The following PRDM10 variants were observed in gnomAD, a reference collection of about 807,000 sequenced individuals.
The protein encoded by PRDM10 is PR domain zinc finger protein 10.
A neutral mutation model predicts 133.1 loss-of-function variants in PRDM10; 65 were observed. That is an observed-to-expected ratio of 0.49 (90% confidence interval 0.40 to 0.60). The LOEUF (loss-of-function observed/expected upper bound fraction) is 0.60, where lower values mean the gene tolerates loss of function less well. Ranked by LOEUF, PRDM10 falls within the 20% of genes least tolerant of loss-of-function variation. PRDM10 has a pLI of 0.00. For synonymous variants in PRDM10, 582 were observed against 580.4 expected, an observed-to-expected ratio of 1.00 and a Z score of -0.04; for missense variants, 1,137 against 1,507.1, an observed-to-expected ratio of 0.75 and a Z score of 4.07.
intron 11 of PRDM10, 126 bp downstream of exon 11, chr11:129,930,890 A>G (rs1342643875): frequency 7.4e-7 from 1 of 1,343,390 alleles, no homozygotes; most frequent in African/African-American, 1.5e-5. Context: ...AAGGGGATCG[A>G]GCATGTGACA....
intron 9 of PRDM10, among the ~76,000 whole-genome samples, chr11:129,934,133 G>A (rs1399562581): frequency 6.6e-6 from 1 of 152,174 alleles, no homozygotes; most frequent in African/African-American, 2.4e-5. Flanking sequence ...TGTGTGTTAT[G>A]AGCACTTGGC....
intron 1 of PRDM10, among the ~76,000 whole-genome samples, chr11:129,972,749 T>G (rs1470768042): frequency 1.3e-5 from 2 of 152,342 alleles, no homozygotes; most frequent in African/African-American, 2.4e-5. Flanking sequence ...TTGTCTTTCT[T>G]TCTTTAAGCT....
chr11:129,918,530 G>A lies in PRDM10; in HGVS notation c.2214+9C>T, dbSNP rs1157911517. 1 of 1,611,928 alleles carries A rather than the reference G, an allele frequency of 6.2e-7. No individual in the cohort carries two copies. The highest frequency in any genetic ancestry group is 2.2e-5 in the East Asian group (1 of 44,842). On this transcript the variant is annotated intron_variant, in intron 14 of 20. Transcript: ENST00000360871. This position sits in a 1 kb window ranked among gnomAD's most constrained non-coding sequence, Gnocchi z 5.3. ...AAGACAGAGGAACCCGCAGCCACTG[G>A]GCACTGACCAGCATGCCGCGCCGCC...
In PRDM10 at chr11:129,900,914, T is replaced by G. The variant is rs1195168808; in HGVS notation, c.*1399A>C. The G allele has an allele frequency of 1.3e-5, 2 of 152,652 alleles. No homozygotes were observed. Among genetic ancestry groups the G allele is most frequent in the Non-Finnish European group, 1.5e-5 (1 of 68,046 alleles). The allele number at this position is 152,652 out of a possible 1,614,324, so 9.5% of individuals were successfully genotyped here. A position where few individuals can be genotyped will look rare whatever the true frequency, so the allele number is the denominator to read the frequency against. On this transcript the variant is annotated 3_prime_UTR_variant, in exon 21 of 21. Coordinates refer to ENST00000360871, the MANE Select transcript of PRDM10 (RefSeq NM_199437.2). ...TTCACTTTTCAGAAAATTGTCTTTA[T>G]CATAAAGAAGCTACTCTACTTAATT...
In PRDM10 at chr11:129,960,753, G is replaced by A. The variant is rs1018193675; in HGVS notation, c.69+143C>T. 31 of 784,374 alleles carry A rather than the reference G, an allele frequency of 4.0e-5. No individual in the cohort carries two copies. The Admixed American group carries it at 7.2e-4, about 18-fold the overall frequency. 48.6% of individuals were successfully genotyped at this position (784,374 alleles called of 1,614,324 possible). A position where few individuals can be genotyped will look rare whatever the true frequency, so the allele number is the denominator to read the frequency against. The stretch of plus-strand genomic sequence containing the variant: ...ATGGAGCATTCAAGGGGCCAAAACA[G>A]TCCCTATTCCTTGTGTACGAGTTCT... On this transcript the variant is annotated intron_variant, in intron 2 of 20. Transcript: ENST00000360871.
At chr11:129,957,654 C>T in intron 3 of PRDM10, 92 bp downstream of exon 3, 1 of 1,462,554 alleles carries the variant, frequency 6.8e-7, no homozygotes, top group Non-Finnish European at 9.3e-7. Flanking sequence ...ACTGCATCAC[C>T]AGTACCTAGC....
intron 1 of PRDM10, among the ~76,000 whole-genome samples, chr11:129,963,053 G>C (rs543557046): frequency 2.0e-5 from 3 of 151,986 alleles, no homozygotes; most frequent in Admixed American, 6.6e-5. Flanking sequence ...GGAGTCTGAG[G>C]TGGAAGGATC....
intron 17 of PRDM10, among the ~76,000 whole-genome samples, chr11:129,914,191 G>A (rs889633796): frequency 9.9e-5 from 15 of 152,244 alleles, no homozygotes; most frequent in Admixed American, 4.6e-4. Context: ...TAGTAGAGAC[G>A]AGATTTTGCC....
intron 9 of PRDM10, among the ~76,000 whole-genome samples, chr11:129,932,819 G>A (rs553595679): frequency 6.6e-6 from 1 of 152,070 alleles, no homozygotes; most frequent in East Asian, 1.9e-4. Context: ...AGGCTGGAGT[G>A]CAGTGATGTA....
At chr11:129,991,136 T>C (rs1938719839) in intron 1 of PRDM10, among the ~76,000 whole-genome samples, 1 of 152,226 alleles carries the variant, frequency 6.6e-6, no homozygotes, top group Non-Finnish European at 1.5e-5. Context: ...ACAATGTGGC[T>C]CAATAGTATA....
intron 17 of PRDM10, 30 bp from the exon 18 acceptor site, chr11:129,912,255 C>T: frequency 6.7e-7 from 1 of 1,492,464 alleles, no homozygotes; most frequent in Non-Finnish European, 9.1e-7. Context: ...GCCCAGAAAC[C>T]AGACATATAT....
At chr11:129,985,942 G>A (rs1304441474) in intron 1 of PRDM10, among the ~76,000 whole-genome samples, 1 of 151,316 alleles carries the variant, frequency 6.6e-6, no homozygotes, top group African/African-American at 2.4e-5. Context: ...TTCATGAGCT[G>A]TGGCCCTCCC....
chr11:130,002,021 C>A (rs966059891), intron 1 of PRDM10, among the ~76,000 whole-genome samples: 26 of 151,774 alleles, frequency 1.7e-4, no homozygotes, highest in Non-Finnish European at 3.5e-4. Context: ...CCATCGATGG[C>A]AAGTGGGCGG....
At chr11:129,951,668 G>T (rs536471205) in intron 4 of PRDM10, among the ~76,000 whole-genome samples, 5 of 152,060 alleles carry the variant, frequency 3.3e-5, no homozygotes, top group African/African-American at 1.2e-4. Flanking sequence ...AACATGAAAC[G>T]ACCACGCTGG....
At chr11:129,937,706 C>T (rs369468265) in intron 7 of PRDM10, 36 bp from the exon 8 acceptor site, 27 of 1,563,218 alleles carry the variant, frequency 1.7e-5, no homozygotes, top group African/African-American at 1.4e-4. Flanking sequence ...GAACTGGGGA[C>T]ATCACCAGAT....
chr11:129,957,170 G>A (rs1464177271), intron 3 of PRDM10, among the ~76,000 whole-genome samples: 1 of 152,144 alleles, frequency 6.6e-6, no homozygotes, highest in Non-Finnish European at 1.5e-5. Flanking sequence ...TTTTGGCCTG[G>A]TTCTTGATAC....
At chr11:129,994,121 G>A (rs2136000104) in intron 1 of PRDM10, among the ~76,000 whole-genome samples, 1 of 152,170 alleles carries the variant, frequency 6.6e-6, no homozygotes, top group East Asian at 1.9e-4. Context: ...TTTTGTAAAT[G>A]ATGTATAAGT....
intron 1 of PRDM10, among the ~76,000 whole-genome samples, chr11:129,976,843 C>T (rs1937786879): frequency 6.6e-6 from 1 of 151,996 alleles, no homozygotes; most frequent in Non-Finnish European, 1.5e-5. Context: ...ATACAAATTC[C>T]AGCACAAATC....
chr11:129,916,270 A>AAC (rs1950353509), intron 15 of PRDM10, among the ~76,000 whole-genome samples: 1 of 152,226 alleles, frequency 6.6e-6, no homozygotes, highest in Admixed American at 6.5e-5. Flanking sequence ...TCCAAATGGC[A>AAC]ACGTCAATAG....
Sources: gnomAD v4.1 joint callset for allele counts (sites outside exome capture counted in the v4.1 genomes callset) on GRCh38, gnomAD v4.1.1 for gene constraint, Gnocchi (gnomAD v3.1) non-coding constraint, MANE v1.5 for transcripts, NCBI Gene and HGNC (gene_info 2026-07-23, HGNC 2026-07-21) for gene names.